MITF: variants seen among roughly 807,000 people sequenced by gnomAD.
The protein encoded by MITF is melanocyte inducing transcription factor.
In MITF, 17 loss-of-function variants were observed where a neutral mutation model predicts 60.5. The observed-to-expected ratio is 0.28, with a 90% CI of 0.19 to 0.42. The LOEUF (loss-of-function observed/expected upper bound fraction) is 0.42. MITF is among the 10% of genes least tolerant of loss of function. The pLI is 1.00. For missense variants in MITF, 622 were observed against 683.5 expected, an observed-to-expected ratio of 0.91 and a Z score of 1.00; for synonymous variants, 260 against 248.5, an observed-to-expected ratio of 1.05 and a Z score of -0.43.
chr3:69,766,996 G>A (rs528829259), intron 1 of MITF, among the ~76,000 whole-genome samples: 1 of 152,182 alleles, frequency 6.6e-6, no homozygotes, highest in Non-Finnish European at 1.5e-5. Context: ...ACAACAGCAT[G>A]CACCATTATC....
In MITF at chr3:69,965,417, A is replaced by G. The variant is rs1404969870; in HGVS notation, c.*169A>G. On this transcript the variant is annotated 3_prime_UTR_variant, in exon 10 of 10. Coordinates refer to ENST00000352241, the MANE Select transcript of MITF (RefSeq NM_001354604.2). Reference sequence around the variant, plus strand: ...TTATTTTTAGAATTTTGTGAAACAGACTTGTATATTCTATTTTACAACTAC... The same window carrying G: ...TTATTTTTAGAATTTTGTGAAACAGGCTTGTATATTCTATTTTACAACTAC... 2 of 662,162 alleles carry G rather than the reference A, an allele frequency of 3.0e-6. No individual in the cohort carries two copies. The highest frequency in any genetic ancestry group is 3.6e-5 in the African/African-American group (2 of 55,094). 41.0% of individuals were successfully genotyped at this position (662,162 alleles called of 1,614,324 possible).
intron 1 of MITF, among the ~76,000 whole-genome samples, chr3:69,767,509 C>T (rs1283403425): frequency 3.3e-5 from 5 of 151,900 alleles, no homozygotes; most frequent in African/African-American, 7.3e-5. Flanking sequence ...TGCTGGAACC[C>T]GGGAGGTGGA....
chr3:69,922,695 T>C (rs911768015), intron 2 of MITF, among the ~76,000 whole-genome samples: 10 of 152,216 alleles, frequency 6.6e-5, no homozygotes, highest in Non-Finnish European at 1.3e-4. Flanking sequence ...TAAAAGACAT[T>C]ACTATATCAT....
At chr3:69,961,123 G>GC (rs1427127542) in intron 9 of MITF, among the ~76,000 whole-genome samples, 1 of 152,176 alleles carries the variant, frequency 6.6e-6, no homozygotes, top group Non-Finnish European at 1.5e-5. Flanking sequence ...CGTGGCTCAC[G>GC]CCTGTAATCC....
At chr3:69,833,976 A>G (rs2063498238) in intron 1 of MITF, among the ~76,000 whole-genome samples, 1 of 152,240 alleles carries the variant, frequency 6.6e-6, no homozygotes, top group South Asian at 2.1e-4. Flanking sequence ...ATACTCAGTG[A>G]AACTTGAATT....
At chr3:69,777,988 A>G (rs2062501844) in intron 1 of MITF, among the ~76,000 whole-genome samples, 1 of 152,070 alleles carries the variant, frequency 6.6e-6, no homozygotes, top group Non-Finnish European at 1.5e-5. Flanking sequence ...GTATTGTAGG[A>G]GATGGTGACA....
intron 1 of MITF, among the ~76,000 whole-genome samples, chr3:69,834,339 C>A (rs2063504651): frequency 6.6e-6 from 1 of 152,164 alleles, no homozygotes. Context: ...TTCCTAGTTT[C>A]TGGTAACTAC....
At chr3:69,865,260 C>A (rs545442830) in intron 1 of MITF, among the ~76,000 whole-genome samples, 9 of 152,246 alleles carry the variant, frequency 5.9e-5, no homozygotes, top group Admixed American at 5.2e-4. Context: ...TATTTTCCAA[C>A]CATTTACTTT....
At chr3:69,908,608 A>G (rs917150870) in intron 2 of MITF, among the ~76,000 whole-genome samples, 5 of 152,214 alleles carry the variant, frequency 3.3e-5, no homozygotes, top group Admixed American at 2.0e-4. Context: ...TGTTTACCAC[A>G]CTGCCATTCA....
At chr3:69,895,642 A>C (rs566711082) in intron 2 of MITF, among the ~76,000 whole-genome samples, 1 of 152,286 alleles carries the variant, frequency 6.6e-6, no homozygotes, top group Admixed American at 6.5e-5. Context: ...GAAGCAGAAA[A>C]CAAATAAAGG....
At chr3:69,861,862 G>C (rs1345972941) in intron 1 of MITF, among the ~76,000 whole-genome samples, 1 of 152,064 alleles carries the variant, frequency 6.6e-6, no homozygotes, top group Non-Finnish European at 1.5e-5. Context: ...TACTTTGTGA[G>C]TTTCATTATT....
chr3:69,826,356 GAAATT>G (rs2063354197), intron 1 of MITF, among the ~76,000 whole-genome samples: 2 of 152,250 alleles, frequency 1.3e-5, no homozygotes, highest in African/African-American at 2.4e-5. Flanking sequence ...TTATGTTTGG[GAAATT>G]GATTCTTCCT....
intron 2 of MITF, among the ~76,000 whole-genome samples, chr3:69,914,275 C>A (rs2065285691): frequency 6.6e-6 from 1 of 152,134 alleles, no homozygotes; most frequent in Non-Finnish European, 1.5e-5. Context: ...GCACATGCCA[C>A]CACAACTGGC....
chr3:69,868,271 C>T (rs1265280053), intron 1 of MITF, among the ~76,000 whole-genome samples: 2 of 152,096 alleles, frequency 1.3e-5, no homozygotes, highest in African/African-American at 2.4e-5. Context: ...TCTTTCCACC[C>T]CCATTTTGCA....
chr3:69,965,178 C>G lies in MITF; in HGVS notation c.1511C>G (p.Ser504Cys). 6.2e-7 allele frequency: 1 copy of G among 1,613,686 alleles called. No individual in the cohort carries two copies. Among genetic ancestry groups the G allele is most frequent in the Non-Finnish European group, 8.5e-7 (1 of 1,179,666 alleles). ...GVTDPLLSSV[S>C]PGASKTSSRR... ...ACTGATCCACTCCTTTCCTCAGTGTCCCCCGGAGCTTCCAAAACAAGCAGC... is the reference window on the plus strand; with the variant it reads ...ACTGATCCACTCCTTTCCTCAGTGTGCCCCGGAGCTTCCAAAACAAGCAGC... Residue 504 changes from serine to cysteine, a missense_variant, in exon 10 of 10, where the codon TCC becomes TGC. Ser to Cys is a moderately radical substitution (Grantham distance 112). This residue lies in a region of MITF where 224 missense variants were observed against 209.5 expected (regional missense o/e 1.07). Coordinates refer to ENST00000352241, the MANE Select transcript of MITF (RefSeq NM_001354604.2).
At chr3:69,838,928 G>T (rs1291693532) in intron 1 of MITF, among the ~76,000 whole-genome samples, 1 of 152,164 alleles carries the variant, frequency 6.6e-6, no homozygotes, top group Non-Finnish European at 1.5e-5. Context: ...TGATTGAGCT[G>T]CAGCCCTTCA....
At chr3:69,748,537 G>A (rs1400937420) in intron 1 of MITF, among the ~76,000 whole-genome samples, 4 of 152,158 alleles carry the variant, frequency 2.6e-5, no homozygotes, top group South Asian at 4.1e-4. Flanking sequence ...CACCATGCCC[G>A]GCCAGAGTGA....
At chr3:69,758,430 C>T (rs1462000939) in intron 1 of MITF, among the ~76,000 whole-genome samples, 1 of 152,078 alleles carries the variant, frequency 6.6e-6, no homozygotes, top group Non-Finnish European at 1.5e-5. Context: ...CTCAGAGTCC[C>T]AAAGCACTGT....
chr3:69,900,484 T>C (rs946302231), intron 2 of MITF, among the ~76,000 whole-genome samples: 1 of 152,164 alleles, frequency 6.6e-6, no homozygotes, highest in African/African-American at 2.4e-5. Context: ...ACCAAACACC[T>C]CCCACGTCTT....
Sources: gnomAD v4.1 joint callset for allele counts (sites outside exome capture counted in the v4.1 genomes callset) on GRCh38, gnomAD v4.1.1 for gene constraint, gnomAD v4.1.1 regional missense constraint, MANE v1.5 for transcripts, NCBI Gene and HGNC (gene_info 2026-07-23, HGNC 2026-07-21) for gene names.